Variants in ITSN1 observed in about 807,000 individuals in gnomAD.
ITSN1 encodes intersectin 1.
A neutral mutation model predicts 239.8 loss-of-function variants in ITSN1; 58 were observed. The observed-to-expected ratio is 0.24, with a 90% CI of 0.20 to 0.30. The LOEUF is 0.30. ITSN1 is among the 10% of genes least tolerant of loss of function. The probability of loss-of-function intolerance (pLI) is 1.00; values close to 1 mark genes in which losing one functional copy is unlikely to be tolerated. For synonymous variants in ITSN1, 780 were observed against 770.8 expected (o/e 1.01, Z -0.20); for missense variants, 1,558 against 2,103.3 (o/e 0.74, Z 5.07).
At position 33,797,685 on chromosome 21, in the gene ITSN1, A is replaced by T. The variant is rs2071668752; in HGVS notation, c.2182+77A>T. 3.6e-6 allele frequency: 4 copies of T among 1,105,918 alleles called. No homozygotes were observed. In the Admixed American group the frequency reaches 8.3e-5, roughly 23 times the overall value. The allele number at this position is 1,105,918 out of a possible 1,614,324, so 68.5% of individuals were successfully genotyped here. On this transcript the variant is annotated intron_variant, in intron 18 of 39. Coordinates refer to ENST00000381318, the MANE Select transcript of ITSN1 (RefSeq NM_003024.3). The surrounding 1 kb of genome is among the most constrained non-coding windows in gnomAD (Gnocchi z 4.9). ...GCCTCCTGAAAAATGCCCCTATCTCATCAGTACCTGTCTTGGCTACATTAA... is the reference window on the plus strand; with the variant it reads ...GCCTCCTGAAAAATGCCCCTATCTCTTCAGTACCTGTCTTGGCTACATTAA...
chr21:33,825,489 G>C (rs2073929494), intron 25 of ITSN1, among the ~76,000 whole-genome samples: 1 of 152,150 alleles, frequency 6.6e-6, no homozygotes, highest in South Asian at 2.1e-4. Flanking sequence ...TCCCTTCTCT[G>C]TATGGGCAGG....
At chr21:33,642,906 C>T (rs2087532813) in intron 1 of ITSN1, among the ~76,000 whole-genome samples, 193 bp downstream of exon 1, 1 of 151,312 alleles carries the variant, frequency 6.6e-6, no homozygotes, top group Non-Finnish European at 1.5e-5. Context: ...TTGTCCTTCC[C>T]GTCCTCGGGG....
rs1219392791 is a variant in ITSN1 at position 33,717,230 on chromosome 21, C to T, written c.-32-1567C>T. ...TTTGTTTTTGAGACAGGGTCTCTCT[C>T]CAGTTGCTCAGGCTGGAGTACAGTG... On this transcript the variant is annotated intron_variant, in intron 1 of 39. Coordinates refer to ENST00000381318, the MANE Select transcript of ITSN1 (RefSeq NM_003024.3). Among the ~76,000 whole-genome samples the T allele has an allele frequency of 4.6e-5, 7 of 151,244 alleles. No homozygotes were observed. The East Asian group carries it at 1.4e-3, about 29-fold the overall frequency.
intron 22 of ITSN1, among the ~76,000 whole-genome samples, chr21:33,816,276 A>G (rs2148241478): frequency 6.6e-6 from 1 of 152,310 alleles, no homozygotes; most frequent in Non-Finnish European, 1.5e-5. Flanking sequence ...TTCTCTAGCA[A>G]TGCTTCACAG....
At chr21:33,764,368 A>G (rs1169314813) in intron 9 of ITSN1, among the ~76,000 whole-genome samples, 3 of 152,250 alleles carry the variant, frequency 2.0e-5, no homozygotes, top group African/African-American at 4.8e-5. Context: ...AGGACTGGCT[A>G]ATTGTGAGAC....
intron 11 of ITSN1, among the ~76,000 whole-genome samples, chr21:33,770,721 A>C (rs1344604059): frequency 6.6e-6 from 1 of 151,036 alleles, no homozygotes; most frequent in Non-Finnish European, 1.5e-5. Context: ...ACCTTGCAGC[A>C]TGTATCATTA....
intron 1 of ITSN1, among the ~76,000 whole-genome samples, chr21:33,709,659 C>T (rs902282440): frequency 1.3e-5 from 2 of 152,292 alleles, no homozygotes; most frequent in East Asian, 3.9e-4. Flanking sequence ...CTTAATTCCA[C>T]TTTCCAATTT....
chr21:33,842,898 G>A (rs569221782), intron 29 of ITSN1, among the ~76,000 whole-genome samples: 35 of 152,130 alleles, frequency 2.3e-4, no homozygotes, highest in African/African-American at 7.7e-4. Flanking sequence ...AACCCCTGAC[G>A]CCCCTGCTTT....
rs559874721 is a variant in ITSN1, at chr21:33,765,865, T to G, written c.789-10T>G. On this transcript the variant is annotated splice_polypyrimidine_tract_variant and intron_variant, in intron 9 of 39. Transcript: ENST00000381318. ...TGAAACCGGATTACAGTTAACTTTTTGTTGAATAGGAATCTTTCTGACATT... is the reference window on the plus strand; with the variant it reads ...TGAAACCGGATTACAGTTAACTTTTGGTTGAATAGGAATCTTTCTGACATT... The G allele has an allele frequency of 1.2e-6, 2 of 1,613,972 alleles. No homozygotes were observed. Among genetic ancestry groups the G allele is most frequent in the South Asian group, 2.2e-5 (2 of 91,064 alleles).
In ITSN1 at chr21:33,894,081, G is replaced by A. The variant is rs1004904531; in HGVS notation, c.*5781G>A. The A allele has an allele frequency of 6.6e-6, 1 of 152,262 alleles. No homozygotes were observed. Among genetic ancestry groups the A allele is most frequent in the African/African-American group, 2.4e-5 (1 of 41,446 alleles). The allele number at this position is 152,262 out of a possible 1,614,324, so 9.4% of individuals were successfully genotyped here. A position where few individuals can be genotyped will look rare whatever the true frequency, so the allele number is the denominator to read the frequency against. On this transcript the variant is annotated 3_prime_UTR_variant, in exon 40 of 40. Transcript: ENST00000381318. ...CCCTCCTAGAAGCTGGGCGGCAGCT[G>A]GACGGGCCTGCCTTGGTGGCATTCA...
intron 1 of ITSN1, among the ~76,000 whole-genome samples, chr21:33,698,463 T>A (rs2091888245): frequency 1.3e-5 from 2 of 152,256 alleles, no homozygotes; most frequent in Non-Finnish European, 2.9e-5. Flanking sequence ...CTTTTTCAGT[T>A]TTAGTAATAA....
Position 33,765,981 on chromosome 21 carries a change from C to T in ITSN1, c.895C>T (p.Leu299=), listed in dbSNP as rs751448156. 6.2e-7 allele frequency: 1 copy of T among 1,614,186 alleles called. No individual in the cohort carries two copies. Among genetic ancestry groups the T allele is most frequent in the South Asian group, 1.1e-5 (1 of 91,086 alleles). Reference sequence around the variant, plus strand: ...GTCTGGCCAACCACTGCCACCTGTCCTGCCTCCAGAATACATTCCACCTTC... The same window carrying T: ...GTCTGGCCAACCACTGCCACCTGTCTTGCCTCCAGAATACATTCCACCTTC... The part of the protein sequence containing the change: ...AMSGQPLPPV[L]PPEYIPPSFR... Residue 299 remains leucine (L), a synonymous_variant, in exon 10 of 40, where the codon CTG becomes TTG. Coordinates refer to ENST00000381318, the MANE Select transcript of ITSN1 (RefSeq NM_003024.3).
At chr21:33,718,548 T>C (rs1376442369) in intron 1 of ITSN1, among the ~76,000 whole-genome samples, 1 of 152,188 alleles carries the variant, frequency 6.6e-6, no homozygotes, top group Non-Finnish European at 1.5e-5. Flanking sequence ...TGCCATTTTA[T>C]ATCAGGGACT....
intron 20 of ITSN1, among the ~76,000 whole-genome samples, chr21:33,803,806 T>A (rs2072200218): frequency 6.6e-6 from 1 of 152,184 alleles, no homozygotes; most frequent in South Asian, 2.1e-4. Flanking sequence ...TGTAATAATG[T>A]TTATTATATC....
Position 33,794,371 on chromosome 21 carries a change from C to G in ITSN1, c.1855C>G (p.Leu619Val). Reference sequence around the variant, plus strand: ...AAGAGAAATACACAATAAGCAACAACTCCAGAAGCAAAAGTCCATGGAGGC... The same window carrying G: ...AAGAGAAATACACAATAAGCAACAAGTCCAGAAGCAAAAGTCCATGGAGGC... ...ELREIHNKQQ[L>V]QKQKSMEAER... The change falls in exon 17 of 40, where the codon CTC becomes GTC. Residue 619 changes from leucine to valine, a missense_variant. Leu to Val is a conservative substitution (Grantham distance 32, BLOSUM62 1). Around this residue, in one of 2 missense-constraint regions of ITSN1, gnomAD observed 982 missense variants for 1,209.9 expected, o/e 0.81. Transcript: ENST00000381318. 6.2e-7 allele frequency: 1 copy of G among 1,613,746 alleles called. No individual in the cohort carries two copies. Among genetic ancestry groups the G allele is most frequent in the Non-Finnish European group, 8.5e-7 (1 of 1,179,862 alleles).
chr21:33,817,661 G>A (rs973961766), intron 22 of ITSN1: 3 of 1,203,076 alleles, frequency 2.5e-6, no homozygotes, highest in Non-Finnish European at 3.2e-6. Flanking sequence ...TCTGGGGGAG[G>A]CAGAGACTGT....
At chr21:33,787,783 T>G (rs1296570239) in intron 16 of ITSN1, among the ~76,000 whole-genome samples, 1 of 152,214 alleles carries the variant, frequency 6.6e-6, no homozygotes, top group Non-Finnish European at 1.5e-5. Context: ...TCAGTATGAA[T>G]TCAAATAGCC....
chr21:33,806,047 CAA>C (rs762086740), intron 20 of ITSN1, among the ~76,000 whole-genome samples: 7 of 112,998 alleles, frequency 6.2e-5, no homozygotes, highest in African/African-American at 6.5e-5. Flanking sequence ...ACTAAAAATA[CAA>C]AAAAAAAAAA....
chr21:33,773,306 C>A (rs1031004752), intron 12 of ITSN1, among the ~76,000 whole-genome samples: 1 of 152,156 alleles, frequency 6.6e-6, no homozygotes, highest in Non-Finnish European at 1.5e-5. Flanking sequence ...CCGCGCCTGG[C>A]CCATGCAACC....
Sources: allele counts gnomAD v4.1 joint callset (sites outside exome capture counted in the v4.1 genomes callset), GRCh38; gene constraint gnomAD v4.1.1; regional missense constraint gnomAD v4.1.1; non-coding constraint Gnocchi (gnomAD v3.1); transcripts MANE v1.5; gene names NCBI Gene and HGNC (gene_info 2026-07-23, HGNC 2026-07-21).